Variants in NR2C1 observed in about 807,000 individuals in gnomAD.
The protein encoded by NR2C1 is TR2 nuclear hormone receptor.
In NR2C1, 33 loss-of-function variants were observed where a neutral mutation model predicts 74.8. The observed-to-expected ratio is 0.44, with a 90% CI of 0.33 to 0.59. The LOEUF (loss-of-function observed/expected upper bound fraction) is 0.59. Ranked by LOEUF, NR2C1 falls within the 20% of genes least tolerant of loss-of-function variation. NR2C1 has a pLI of 0.02. For synonymous variants in NR2C1, 225 were observed against 240.6 expected (o/e 0.94, Z 0.60); for missense variants, 568 against 715.6 (o/e 0.79, Z 2.35).
intron 1 of NR2C1, among the ~76,000 whole-genome samples, chr12:95,070,470 G>C (rs1876436794): frequency 6.6e-6 from 1 of 152,190 alleles, no homozygotes; most frequent in Non-Finnish European, 1.5e-5. Context: ...TGGAAGGTTA[G>C]ACTGTTTTAA....
Position 95,022,397 on chromosome 12 carries a change from G to A in NR2C1, c.1644C>T (p.Ser548=). The A allele has an allele frequency of 6.2e-7, 1 of 1,600,538 alleles. No homozygotes were observed. The highest frequency in any genetic ancestry group is 8.5e-7 in the Non-Finnish European group (1 of 1,176,968). ...AAGCTGGCAATCTGAGTAGTAGTCTGGATAACCTAAAAAAAGAAAGAAAAA... is the reference window on the plus strand; with the variant it reads ...AAGCTGGCAATCTGAGTAGTAGTCTAGATAACCTAAAAAAAGAAAGAAAAA... ...KTYPDDTYRL[S]RLLLRLPALR... is the part of the protein sequence containing the mutation. The change falls in exon 14 of 14, where the codon TCC becomes TCT. Residue 548 remains serine, a synonymous_variant. Coordinates refer to ENST00000333003, the MANE Select transcript of NR2C1 (RefSeq NM_003297.4).
intron 3 of NR2C1, among the ~76,000 whole-genome samples, chr12:95,061,468 A>G (rs1874771223): frequency 6.6e-6 from 1 of 152,228 alleles, no homozygotes; most frequent in African/African-American, 2.4e-5. Flanking sequence ...TCTACTACTT[A>G]AAGAAAAATT....
At chr12:95,044,191 T>C (rs1871990120) in intron 9 of NR2C1, among the ~76,000 whole-genome samples, 1 of 152,222 alleles carries the variant, frequency 6.6e-6, no homozygotes, top group African/African-American at 2.4e-5. Flanking sequence ...ACCAATCTGT[T>C]TTAGAAGTTA....
intron 10 of NR2C1, 101 bp from the exon 11 acceptor site, chr12:95,031,589 CTAAAA>C (rs1565836561): frequency 8.6e-6 from 7 of 809,510 alleles, no homozygotes; most frequent in Admixed American, 7.7e-5. Context: ...TATTACTAAA[CTAAAA>C]TTATTCTAGA....
At position 95,042,845 on chromosome 12, in the gene NR2C1, C is replaced by T. The variant is rs1020707867; in HGVS notation, c.1132-2248G>A. ...AGCGCAGTGGCTCGTGCCTGTAATTCCAGCACTTTGGGAGGCCAAGGTGAG... is the reference window on the plus strand; with the variant it reads ...AGCGCAGTGGCTCGTGCCTGTAATTTCAGCACTTTGGGAGGCCAAGGTGAG... On this transcript the variant is annotated intron_variant, in intron 9 of 13. Coordinates refer to ENST00000333003, the MANE Select transcript of NR2C1 (RefSeq NM_003297.4). Among the ~76,000 whole-genome samples the T allele has an allele frequency of 7.7e-4, 116 of 150,604 alleles. 1 individual carries two copies. Among genetic ancestry groups the T allele is most frequent in the Admixed American group, 8.7e-4 (13 of 15,026 alleles).
chr12:95,062,363 TC>T (rs1874908177), intron 3 of NR2C1, 144 bp downstream of exon 3: 1 of 615,210 alleles, frequency 1.6e-6, no homozygotes, highest in Admixed American at 3.0e-5. Context: ...GAGAGGGCTG[TC>T]ACTGTAGATA....
chr12:95,043,399 C>G (rs1433662304), intron 9 of NR2C1, among the ~76,000 whole-genome samples: 2 of 151,998 alleles, frequency 1.3e-5, no homozygotes, highest in Non-Finnish European at 2.9e-5. Flanking sequence ...CAAAAAAGTC[C>G]TTTGTAAGGC....
In NR2C1 at chr12:95,049,390, G is replaced by A. The variant is rs1872691032; in HGVS notation, c.966-157C>T. 5.1e-6 allele frequency: 3 copies of A among 591,368 alleles called. No homozygotes were observed. The South Asian group carries it at 9.4e-5, about 18-fold the overall frequency. 36.6% of individuals were successfully genotyped at this position (591,368 alleles called of 1,614,324 possible). A position where few individuals can be genotyped will look rare whatever the true frequency, so the allele number is the denominator to read the frequency against. On this transcript the variant is annotated intron_variant, in intron 8 of 13. Transcript: ENST00000333003. Reference sequence around the variant, plus strand: ...CCGCCTCAGCCTTCCAAAGTGCTGGGATTACAGGTATAAGCCACATGCCTG... The same window carrying A: ...CCGCCTCAGCCTTCCAAAGTGCTGGAATTACAGGTATAAGCCACATGCCTG...
At chr12:95,059,490 T>C (rs1592781288) in intron 4 of NR2C1, among the ~76,000 whole-genome samples, 1 of 152,030 alleles carries the variant, frequency 6.6e-6, no homozygotes, top group Non-Finnish European at 1.5e-5. Flanking sequence ...GGAGGGTGGA[T>C]CACCTGAGGT....
chr12:95,033,337 A>G (rs1367253107), intron 10 of NR2C1, among the ~76,000 whole-genome samples: 4 of 152,152 alleles, frequency 2.6e-5, no homozygotes, highest in Non-Finnish European at 5.9e-5. Flanking sequence ...TAAAGGATGT[A>G]TATTAGAAAA....
rs899607940 is a variant in NR2C1, at chr12:95,048,997, C to T, written c.1131+71G>A. 5.8e-6 allele frequency: 8 copies of T among 1,372,378 alleles called. No homozygotes were observed. In the African/African-American group the frequency reaches 1.0e-4, roughly 17 times the overall value. 85.0% of individuals were successfully genotyped at this position (1,372,378 alleles called of 1,614,324 possible). ...TGACTTTAAAAGCACAACAAACATA[C>T]TTTGATTTTTGAAAGGTAGATCAAA... On this transcript the variant is annotated intron_variant, in intron 9 of 13. Coordinates refer to ENST00000333003, the MANE Select transcript of NR2C1 (RefSeq NM_003297.4).
intron 7 of NR2C1, among the ~76,000 whole-genome samples, chr12:95,057,321 T>C (rs766229350): frequency 6.6e-6 from 1 of 151,760 alleles, no homozygotes; most frequent in Non-Finnish European, 1.5e-5. Context: ...GTCAGGCTGG[T>C]CTTGAACTTC....
In NR2C1 at chr12:95,020,596, TTACTA is replaced by T. The variant is rs1868683513; in HGVS notation, c.*1628_*1632del. On this transcript the variant is annotated 3_prime_UTR_variant, in exon 14 of 14. Transcript: ENST00000333003. ...TAAGTTGATATTTTCAAACTTTTGA[TTACTA>T]TAAAGTAGTAAGCAATAAAATCCAC... The T allele has an allele frequency of 6.6e-6, 1 of 152,214 alleles. No homozygotes were observed. Among genetic ancestry groups the T allele is most frequent in the Admixed American group, 6.5e-5 (1 of 15,286 alleles). The allele number at this position is 152,214 out of a possible 1,614,324, so 9.4% of individuals were successfully genotyped here. A position where few individuals can be genotyped will look rare whatever the true frequency, so the allele number is the denominator to read the frequency against.
chr12:95,021,037 T>A lies in NR2C1; in HGVS notation c.*1192A>T, dbSNP rs998345047. On this transcript the variant is annotated 3_prime_UTR_variant, in exon 14 of 14. Transcript: ENST00000333003. The stretch of plus-strand genomic sequence containing the variant: ...TGACATATTGGGTGAGTTTTTTTAG[T>A]GATCTAAAAGAAATTGGCTAAAACC... 1 of 152,154 alleles carries A rather than the reference T, an allele frequency of 6.6e-6. No individual in the cohort carries two copies. Among genetic ancestry groups the A allele is most frequent in the Non-Finnish European group, 1.5e-5 (1 of 68,018 alleles). 9.4% of individuals were successfully genotyped at this position (152,154 alleles called of 1,614,324 possible).
In NR2C1 at chr12:95,020,463, GAGT is replaced by G. The variant is rs1304423443; in HGVS notation, c.*1763_*1765del. The G allele has an allele frequency of 2.6e-5, 4 of 152,024 alleles. No individual in the cohort carries two copies. The highest frequency in any genetic ancestry group is 1.5e-5 in the Non-Finnish European group (1 of 68,004). 9.4% of individuals were successfully genotyped at this position (152,024 alleles called of 1,614,324 possible). A position where few individuals can be genotyped will look rare whatever the true frequency, so the allele number is the denominator to read the frequency against. ...GTATAAACTACTGATTTTTCCATTT[GAGT>G]ATTATACTAAATGTAATTTAGCTGA... On this transcript the variant is annotated 3_prime_UTR_variant, in exon 14 of 14. Coordinates refer to ENST00000333003, the MANE Select transcript of NR2C1 (RefSeq NM_003297.4).
At chr12:95,026,139 G>A (rs549820667) in intron 12 of NR2C1, among the ~76,000 whole-genome samples, 2 of 151,810 alleles carry the variant, frequency 1.3e-5, no homozygotes, top group East Asian at 1.9e-4. Flanking sequence ...ACCAGGAGGC[G>A]GAGGTTGTGG....
chr12:95,054,151 T>A (rs1349731983), intron 7 of NR2C1, among the ~76,000 whole-genome samples: 4 of 152,234 alleles, frequency 2.6e-5, no homozygotes, highest in African/African-American at 9.6e-5. Context: ...ACCCTACCAG[T>A]TATCATGTTC....
Position 95,059,986 on chromosome 12 carries a change from T to TAAAAA in NR2C1, c.286-7_286-3dup, listed in dbSNP as rs79760875. 2.2e-5 allele frequency: 24 copies of TAAAAA among 1,074,522 alleles called. No individual in the cohort carries two copies. Among genetic ancestry groups the TAAAAA allele is most frequent in the South Asian group, 1.1e-4 (6 of 52,312 alleles). 66.6% of individuals were successfully genotyped at this position (1,074,522 alleles called of 1,614,324 possible). On this transcript the variant is annotated splice_region_variant and splice_polypyrimidine_tract_variant and intron_variant, in intron 3 of 13. Coordinates refer to ENST00000333003, the MANE Select transcript of NR2C1 (RefSeq NM_003297.4). ...GTCTGGAGAATTATCTGTTAGGAGC[T>TAAAAA]AAAAAAAAAAAAAAAAAAAAAGAAA...
intron 1 of NR2C1, among the ~76,000 whole-genome samples, chr12:95,072,468 A>AAG (rs1555214160): frequency 6.6e-6 from 1 of 150,692 alleles, no homozygotes; most frequent in Non-Finnish European, 1.5e-5. Flanking sequence ...AAAAAAAAAA[A>AAG]AAAAAAGAAA....
Sources: gnomAD v4.1 joint callset for allele counts (sites outside exome capture counted in the v4.1 genomes callset) on GRCh38, gnomAD v4.1.1 for gene constraint, MANE v1.5 for transcripts, NCBI Gene and HGNC (gene_info 2026-07-23, HGNC 2026-07-21) for gene names.